The following ACOX2 variants were observed in gnomAD, a reference collection of about 807,000 sequenced individuals.
ACOX2 encodes peroxisomal acyl-coenzyme A oxidase 2.
ACOX2 carries 59 observed loss-of-function variants against 77.5 expected under a neutral mutation model. That is an observed-to-expected ratio of 0.76 (90% confidence interval 0.62 to 0.95). ACOX2 has a LOEUF of 0.95. Ranked by LOEUF, ACOX2 falls within the 40% of genes least tolerant of loss-of-function variation. The pLI is 0.00. For missense variants in ACOX2, 837 were observed against 880.4 expected (o/e 0.95, Z 0.62); for synonymous variants, 317 against 340.1 (o/e 0.93, Z 0.75).
chr3:58,516,458 T>C (rs529260808), intron 13 of ACOX2, among the ~76,000 whole-genome samples: 1 of 152,346 alleles, frequency 6.6e-6, no homozygotes, highest in Admixed American at 6.5e-5. Context: ...AGGAGATTAA[T>C]AGTACCCATT....
At position 58,533,385 on chromosome 3, in the gene ACOX2, T is replaced by C; in HGVS notation, c.583+60A>G. On this transcript the variant is annotated intron_variant, in intron 5 of 14. Coordinates refer to ENST00000302819, the MANE Select transcript of ACOX2 (RefSeq NM_003500.4). This position sits in a 1 kb window ranked among gnomAD's most constrained non-coding sequence, Gnocchi z 5.6. ...TTGGACCTCAAAGCCAGTGCTACTC[T>C]GCCCTCCAACATTCTTCTACTTGGG... 1 of 1,477,634 alleles carries C rather than the reference T, an allele frequency of 6.8e-7. No homozygotes were observed. Among genetic ancestry groups the C allele is most frequent in the East Asian group, 2.3e-5 (1 of 44,032 alleles). 91.5% of individuals were successfully genotyped at this position (1,477,634 alleles called of 1,614,324 possible).
chr3:58,518,091 A>G (rs976979081), intron 12 of ACOX2, among the ~76,000 whole-genome samples: 1 of 151,378 alleles, frequency 6.6e-6, no homozygotes, highest in Non-Finnish European at 1.5e-5. Flanking sequence ...AAAAAAAAAA[A>G]AAAAAAAAAG....
At position 58,512,762 on chromosome 3, in the gene ACOX2, T is replaced by C. The variant is rs1485906138; in HGVS notation, c.1851-3737A>G. 6.6e-6 allele frequency among the ~76,000 whole-genome samples: 1 copy of C among 152,212 alleles called. No individual in the cohort carries two copies. The highest frequency in any genetic ancestry group is 1.5e-5 in the Non-Finnish European group (1 of 68,044). On this transcript the variant is annotated intron_variant, in intron 13 of 14. Transcript: ENST00000302819. The surrounding 1 kb of genome is among the most constrained non-coding windows in gnomAD (Gnocchi z 4.8). ...GACCATGTATATGATGGCGGTCCCA[T>C]GACATTATGATAGAGCTGAAAAATT...
intron 13 of ACOX2, chr3:58,510,914 A>G: frequency 2.2e-6 from 1 of 454,230 alleles, no homozygotes; most frequent in South Asian, 1.6e-5. Flanking sequence ...CAGCAATCGT[A>G]TTACATTGCT....
intron 8 of ACOX2, 113 bp from the exon 9 acceptor site, chr3:58,529,069 A>C: frequency 1.8e-6 from 2 of 1,112,954 alleles, no homozygotes; most frequent in East Asian, 2.6e-5. Context: ...CTCATTGCAA[A>C]ACTTGAACTG....
In ACOX2 at chr3:58,522,588, A is replaced by G. The variant is rs767766754; in HGVS notation, c.1540T>C (p.Ser514Pro). 1.2e-5 allele frequency: 19 copies of G among 1,614,210 alleles called. No homozygotes were observed. In the South Asian group the frequency reaches 1.2e-4, roughly 10 times the overall value. The part of the protein sequence containing the change: ...AHVAVRLIKD[S>P]VQHLQTLTQS... Reference sequence around the variant, plus strand: ...GTCAGGGTCTGTAAATGCTGCACTGAGTCCTTTATGAGCCTGAAAGCCAAA... The same window carrying G: ...GTCAGGGTCTGTAAATGCTGCACTGGGTCCTTTATGAGCCTGAAAGCCAAA... Residue 514 changes from serine (S) to proline (P), a missense_variant, in exon 12 of 15, where the codon TCA becomes CCA. Transcript: ENST00000302819. This position sits in a 1 kb window ranked among gnomAD's most constrained non-coding sequence, Gnocchi z 4.3.
At position 58,514,500 on chromosome 3, in the gene ACOX2, C is replaced by T. The variant is rs1246233529; in HGVS notation, c.1850+2706G>A. On this transcript the variant is annotated intron_variant, in intron 13 of 14. Coordinates refer to ENST00000302819, the MANE Select transcript of ACOX2 (RefSeq NM_003500.4). This position sits in a 1 kb window ranked among gnomAD's most constrained non-coding sequence, Gnocchi z 4.3. Reference sequence around the variant, plus strand: ...ATCCATAGCATACTATGCCGCCCTTCAGTTTTCATCTCAGAAATCTTAGGG... The same window carrying T: ...ATCCATAGCATACTATGCCGCCCTTTAGTTTTCATCTCAGAAATCTTAGGG... 6.6e-6 allele frequency among the ~76,000 whole-genome samples: 1 copy of T among 152,166 alleles called. No homozygotes were observed. Among genetic ancestry groups the T allele is most frequent in the Non-Finnish European group, 1.5e-5 (1 of 68,022 alleles).
Position 58,533,658 on chromosome 3 carries a change from TG to T in ACOX2, c.476-107del. ...TCTTAGGCATCAGCGCAGTATGGAG[TG>T]GGGCCCAGCTCCCAGCTGTACTTGC... On this transcript the variant is annotated intron_variant, in intron 4 of 14. Coordinates refer to ENST00000302819, the MANE Select transcript of ACOX2 (RefSeq NM_003500.4). The surrounding 1 kb of genome is among the most constrained non-coding windows in gnomAD (Gnocchi z 5.6). 1 of 1,000,514 alleles carries T rather than the reference TG, an allele frequency of 1.0e-6. No homozygotes were observed. Among genetic ancestry groups the T allele is most frequent in the Non-Finnish European group, 1.5e-6 (1 of 650,402 alleles). 62.0% of individuals were successfully genotyped at this position (1,000,514 alleles called of 1,614,324 possible). A position where few individuals can be genotyped will look rare whatever the true frequency, so the allele number is the denominator to read the frequency against.
chr3:58,530,064 C>T (rs1397188563), intron 8 of ACOX2, among the ~76,000 whole-genome samples: 1 of 152,256 alleles, frequency 6.6e-6, no homozygotes, highest in Non-Finnish European at 1.5e-5. Context: ...ACAGAATCAA[C>T]TCAGCCAGCC....
rs759803386 is a variant in ACOX2, at chr3:58,524,537, G to GGA, written c.1413_1414dup (p.Pro472LeufsTer38). 6.2e-7 allele frequency: 1 copy of GGA among 1,614,182 alleles called. No homozygotes were observed. Among genetic ancestry groups the GGA allele is most frequent in the Admixed American group, 1.7e-5 (1 of 60,032 alleles). ...AGGTGCGGTGAGATATGCGACAGAT[G>GGA]GAGAGAGAGATCTCTGTGGCGTGGA... is the stretch of plus-strand genomic sequence containing the variant. On this transcript the variant is annotated frameshift_variant, in exon 11 of 15. Coordinates refer to ENST00000302819, the MANE Select transcript of ACOX2 (RefSeq NM_003500.4). LOFTEE classifies it high-confidence loss of function. This position sits in a 1 kb window ranked among gnomAD's most constrained non-coding sequence, Gnocchi z 5.5.
chr3:58,518,876 G>A (rs940831919), intron 12 of ACOX2, among the ~76,000 whole-genome samples: 4 of 150,860 alleles, frequency 2.7e-5, no homozygotes, highest in African/African-American at 9.8e-5. Flanking sequence ...CTGAGCTCAA[G>A]TGATCCTCCT....
intron 9 of ACOX2, among the ~76,000 whole-genome samples, chr3:58,527,192 A>G (rs2063401586): frequency 6.6e-6 from 1 of 152,048 alleles, no homozygotes; most frequent in Non-Finnish European, 1.5e-5. Context: ...TCAGGAGGTA[A>G]TTAAGTCATG....
Position 58,531,582 on chromosome 3 carries a change from C to A in ACOX2, c.703+111G>T, listed in dbSNP as rs2063439937. The stretch of plus-strand genomic sequence containing the variant: ...TCTGTCCAACTGGACCGCTCCCTGC[C>A]CAAGGGAGACATGTCTTAGCTACTC... On this transcript the variant is annotated intron_variant, in intron 6 of 14. Transcript: ENST00000302819. This position sits in a 1 kb window ranked among gnomAD's most constrained non-coding sequence, Gnocchi z 5.8. 1.3e-6 allele frequency: 2 copies of A among 1,496,220 alleles called. No individual in the cohort carries two copies. The highest frequency in any genetic ancestry group is 1.8e-6 in the Non-Finnish European group (2 of 1,108,222). 92.7% of individuals were successfully genotyped at this position (1,496,220 alleles called of 1,614,324 possible).
Position 58,505,285 on chromosome 3 carries a change from T to C in ACOX2, c.1985A>G (p.Glu662Gly). 2 of 1,611,810 alleles carry C rather than the reference T, an allele frequency of 1.2e-6. No homozygotes were observed. Among genetic ancestry groups the C allele is most frequent in the Non-Finnish European group, 1.7e-6 (2 of 1,178,994 alleles). ...WAQKSPTNTQENPAYEEYIRP... is the reference protein window; with the variant it reads ...WAQKSPTNTQGNPAYEEYIRP... ...TATATATTCCTCATAGGCAGGGTTC[T>C]CCTGTTTGTAGAAAGAAACGCATTA... The change falls in exon 15 of 15, where the codon GAG becomes GGG. Residue 662 changes from glutamate (E) to glycine (G), a missense_variant and splice_region_variant. Coordinates refer to ENST00000302819, the MANE Select transcript of ACOX2 (RefSeq NM_003500.4). This position sits in a 1 kb window ranked among gnomAD's most constrained non-coding sequence, Gnocchi z 4.4.
rs1335237046 is a variant in ACOX2, at chr3:58,531,553, C to A, written c.703+140G>T. ...TCAAGTTCACCTAGCCAGTTAGCACCAAGTCTGTCCAACTGGACCGCTCCC... is the reference window on the plus strand; with the variant it reads ...TCAAGTTCACCTAGCCAGTTAGCACAAAGTCTGTCCAACTGGACCGCTCCC... On this transcript the variant is annotated intron_variant, in intron 6 of 14. Transcript: ENST00000302819. The surrounding 1 kb of genome is among the most constrained non-coding windows in gnomAD (Gnocchi z 5.8). 1.4e-6 allele frequency: 2 copies of A among 1,381,464 alleles called. No individual in the cohort carries two copies. The highest frequency in any genetic ancestry group is 2.0e-6 in the Non-Finnish European group (2 of 1,011,658). The allele number at this position is 1,381,464 out of a possible 1,614,324, so 85.6% of individuals were successfully genotyped here.
chr3:58,534,054 C>T lies in ACOX2; in HGVS notation c.415G>A (p.Asp139Asn). The T allele has an allele frequency of 6.2e-7, 1 of 1,614,136 alleles. No individual in the cohort carries two copies. The highest frequency in any genetic ancestry group is 1.1e-5 in the South Asian group (1 of 91,080). Residue 139 changes from aspartate (D) to asparagine (N), a missense_variant, in exon 4 of 15, where the codon GAC (aspartate) becomes AAC (asparagine). By Grantham distance (23) the Asp-to-Asn change is conservative. Transcript: ENST00000302819. This position sits in a 1 kb window ranked among gnomAD's most constrained non-coding sequence, Gnocchi z 4.8. The part of the protein sequence containing the change: ...LGSEEQIAKW[D>N]PLCKNIQIIA... ...ATCTGGATGTTTTTGCAGAGTGGGT[C>T]CCATTTGGCAATCTGCTCCTCTGAG...
intron 5 of ACOX2, among the ~76,000 whole-genome samples, chr3:58,532,532 C>T (rs2063448525): frequency 6.6e-6 from 1 of 152,002 alleles, no homozygotes; most frequent in South Asian, 2.1e-4. Flanking sequence ...ACTACAGATG[C>T]CCGCCACCAC....
chr3:58,533,233 T>G lies in ACOX2; in HGVS notation c.583+212A>C, dbSNP rs374309893. 6.6e-6 allele frequency among the ~76,000 whole-genome samples: 1 copy of G among 152,112 alleles called. No homozygotes were observed. ...TACTTCAAAGTTCCTTTGGGGACTT[T>G]CCAGCCACTCACTAATGAAATGTTT... On this transcript the variant is annotated intron_variant, in intron 5 of 14. Coordinates refer to ENST00000302819, the MANE Select transcript of ACOX2 (RefSeq NM_003500.4). The surrounding 1 kb of genome is among the most constrained non-coding windows in gnomAD (Gnocchi z 5.6).
chr3:58,525,830 C>T lies in ACOX2; in HGVS notation c.1346+636G>A, dbSNP rs1361108185. Among the ~76,000 whole-genome samples, 1 of 152,068 alleles carries T rather than the reference C, an allele frequency of 6.6e-6. No homozygotes were observed. The highest frequency in any genetic ancestry group is 2.4e-5 in the African/African-American group (1 of 41,380). On this transcript the variant is annotated intron_variant, in intron 10 of 14. Transcript: ENST00000302819. The surrounding 1 kb of genome is among the most constrained non-coding windows in gnomAD (Gnocchi z 5.0). Reference sequence around the variant, plus strand: ...CTGAGGTCAGGAGTTGGAGAGCAGCCTGGCCAACATGGTGAAACCCCATCT... The same window carrying T: ...CTGAGGTCAGGAGTTGGAGAGCAGCTTGGCCAACATGGTGAAACCCCATCT...
Sources: gnomAD v4.1 joint callset for allele counts (sites outside exome capture counted in the v4.1 genomes callset) on GRCh38, gnomAD v4.1.1 for gene constraint, Gnocchi (gnomAD v3.1) non-coding constraint, MANE v1.5 for transcripts, NCBI Gene and HGNC (gene_info 2026-07-23, HGNC 2026-07-21) for gene names.